TMEM214: variants seen among roughly 807,000 people sequenced by gnomAD.
The protein encoded by TMEM214 is transmembrane protein 214.
In TMEM214, 71 loss-of-function variants were observed where a neutral mutation model predicts 89.8. That is an observed-to-expected ratio of 0.79 (90% confidence interval 0.65 to 0.96). The LOEUF (loss-of-function observed/expected upper bound fraction) is 0.96, where lower values mean the gene tolerates loss of function less well. TMEM214 is among the 40% of genes least tolerant of loss of function. The probability of loss-of-function intolerance (pLI) is 0.00; values close to 1 mark genes in which losing one functional copy is unlikely to be tolerated. For missense variants in TMEM214, 754 were observed against 843.4 expected (o/e 0.89, Z 1.31); for synonymous variants, 332 against 349.5 (o/e 0.95, Z 0.56).
In TMEM214 at chr2:27,038,444, G is replaced by A. The variant is rs142984341; in HGVS notation, c.1245-40G>A. ...GGAGGACAGGAGGATGGGTGAGGCT[G>A]CGCGAGCCACCTGACTAGGGGGTTG... On this transcript the variant is annotated intron_variant, in intron 10 of 16. Coordinates refer to ENST00000238788, the MANE Select transcript of TMEM214 (RefSeq NM_017727.5). The surrounding 1 kb of genome is among the most constrained non-coding windows in gnomAD (Gnocchi z 4.4). 2.8e-4 allele frequency: 450 copies of A among 1,612,530 alleles called. 4 individuals are homozygous for A. In the African/African-American group the frequency reaches 5.5e-3, roughly 20 times the overall value.
chr2:27,038,876 T>A lies in TMEM214; in HGVS notation c.1407+61T>A. On this transcript the variant is annotated intron_variant, in intron 12 of 16. Coordinates refer to ENST00000238788, the MANE Select transcript of TMEM214 (RefSeq NM_017727.5). The surrounding 1 kb of genome is among the most constrained non-coding windows in gnomAD (Gnocchi z 4.4). ...TCTTACATCTCTGTCTCAGCACACC[T>A]GGGTTGGGCCTGTATCACATTCCTG... 6.6e-7 allele frequency: 1 copy of A among 1,522,782 alleles called. No individual in the cohort carries two copies. 94.3% of individuals were successfully genotyped at this position (1,522,782 alleles called of 1,614,324 possible).
Position 27,038,929 on chromosome 2 carries a change from C to A in TMEM214, c.1407+114C>A. On this transcript the variant is annotated intron_variant, in intron 12 of 16. Transcript: ENST00000238788. This position sits in a 1 kb window ranked among gnomAD's most constrained non-coding sequence, Gnocchi z 4.4. ...CCACCTGTCTGGAGCCCCCCGCTGC[C>A]TCCAGGATAATGTGAAGGCTTGACG... 1.4e-6 allele frequency: 2 copies of A among 1,439,954 alleles called. No homozygotes were observed. Among genetic ancestry groups the A allele is most frequent in the Non-Finnish European group, 1.9e-6 (2 of 1,028,980 alleles). 89.2% of individuals were successfully genotyped at this position (1,439,954 alleles called of 1,614,324 possible).
chr2:27,035,138 G>T lies in TMEM214; in HGVS notation c.355G>T (p.Asp119Tyr). 6.2e-7 allele frequency: 1 copy of T among 1,613,982 alleles called. No homozygotes were observed. Among genetic ancestry groups the T allele is most frequent in the Non-Finnish European group, 8.5e-7 (1 of 1,179,990 alleles). The change falls in exon 3 of 17, where the codon GAT becomes TAT. Residue 119 changes from aspartate (D) to tyrosine (Y), a missense_variant. Transcript: ENST00000238788. ...GTTGGGGGATTGTCCCTGGCAGCTGGATGTGGCAGACCTGCAGAAGGAACT... is the reference window on the plus strand; with the variant it reads ...GTTGGGGGATTGTCCCTGGCAGCTGTATGTGGCAGACCTGCAGAAGGAACT... ...RSLEEALKAL[D>Y]VADLQKELDK...
rs761168272 is a variant in TMEM214, at chr2:27,039,167, A to G, written c.1525+3A>G. On this transcript the variant is annotated splice_donor_region_variant and intron_variant, in intron 13 of 16. Transcript: ENST00000238788. The stretch of plus-strand genomic sequence containing the variant: ...CCGGTCACACAGCTCCTTCCAGGGT[A>G]AGCAGCAATGGGCAAGCGAGGAGGA... 3.1e-6 allele frequency: 5 copies of G among 1,612,968 alleles called. No homozygotes were observed. In the South Asian group the frequency reaches 5.5e-5, roughly 18 times the overall value.
At chr2:27,040,677 G>A (rs759998582) in intron 16 of TMEM214, 34 bp from the exon 17 acceptor site, 32 of 1,610,414 alleles carry the variant, frequency 2.0e-5, no homozygotes, top group Admixed American at 5.0e-5. Flanking sequence ...AGCTACTCAC[G>A]TGCATACTCA....
Position 27,041,069 on chromosome 2 carries a change from C to T in TMEM214, c.*232C>T, listed in dbSNP as rs917043619. 3.8e-6 allele frequency: 2 copies of T among 527,148 alleles called. No homozygotes were observed. The highest frequency in any genetic ancestry group is 2.5e-5 in the South Asian group (1 of 39,366). The allele number at this position is 527,148 out of a possible 1,614,324, so 32.7% of individuals were successfully genotyped here. A position where few individuals can be genotyped will look rare whatever the true frequency, so the allele number is the denominator to read the frequency against. On this transcript the variant is annotated 3_prime_UTR_variant, in exon 17 of 17. Transcript: ENST00000238788. ...TGAACACTTTTCTGGCCCTACTGCA[C>T]ATGGCCCCCAGCCTCCATCCTTGTG...
chr2:27,037,126 T>G lies in TMEM214; in HGVS notation c.958T>G (p.Phe320Val). ...KGFGMIGPKD[F>V]FPLLDFAYMP... ...CTTCGGCATGATTGGCCCCAAGGAC[T>G]TCTTCCCACTTCTGGACTTTGCCTA... The change falls in exon 8 of 17, where the codon TTC (phenylalanine) becomes GTC (valine). Residue 320 changes from phenylalanine to valine, a missense_variant. Phe to Val is a conservative substitution (Grantham distance 50). Coordinates refer to ENST00000238788, the MANE Select transcript of TMEM214 (RefSeq NM_017727.5). 1 of 1,614,044 alleles carries G rather than the reference T, an allele frequency of 6.2e-7. No individual in the cohort carries two copies. The highest frequency in any genetic ancestry group is 8.5e-7 in the Non-Finnish European group (1 of 1,180,006).
Position 27,040,707 on chromosome 2 carries a change from C to T in TMEM214, c.1944-4C>T, listed in dbSNP as rs778871558. 2.3e-5 allele frequency: 37 copies of T among 1,613,590 alleles called. No homozygotes were observed. The highest frequency in any genetic ancestry group is 3.1e-5 in the Non-Finnish European group (36 of 1,179,914). On this transcript the variant is annotated splice_region_variant and splice_polypyrimidine_tract_variant and intron_variant, in intron 16 of 16. Transcript: ENST00000238788. ...TACTCAAAAATGTTCCACTTTCCTTCCAGAGGTGAGGTGACCTGGGACTGC... is the reference window on the plus strand; with the variant it reads ...TACTCAAAAATGTTCCACTTTCCTTTCAGAGGTGAGGTGACCTGGGACTGC...
At position 27,040,074 on chromosome 2, in the gene TMEM214, C is replaced by T; in HGVS notation, c.1667C>T (p.Thr556Ile). 1 of 1,608,736 alleles carries T rather than the reference C, an allele frequency of 6.2e-7. No homozygotes were observed. The highest frequency in any genetic ancestry group is 8.5e-7 in the Non-Finnish European group (1 of 1,180,010). Residue 556 changes from threonine to isoleucine, a missense_variant, in exon 15 of 17, where the codon ACC (threonine) becomes ATC (isoleucine). Physicochemically the swap from Thr to Ile is moderately conservative, Grantham distance 89. Coordinates refer to ENST00000238788, the MANE Select transcript of TMEM214 (RefSeq NM_017727.5). ...TLPLWGSHLL[T>I]VVRPSLQLAW... ...CCGCTCTGGGGCTCCCACCTGCTCACCGTGGTGCGGCCCAGCTTGCAGCTG... is the reference window on the plus strand; with the variant it reads ...CCGCTCTGGGGCTCCCACCTGCTCATCGTGGTGCGGCCCAGCTTGCAGCTG...
chr2:27,039,407 T>G, intron 13 of TMEM214: 1 of 591,476 alleles, frequency 1.7e-6, no homozygotes, highest in African/African-American at 1.9e-5. Flanking sequence ...AGGTGTTACC[T>G]CCTTTTAACT....
At position 27,040,934 on chromosome 2, in the gene TMEM214, G is replaced by T; in HGVS notation, c.*97G>T. On this transcript the variant is annotated 3_prime_UTR_variant, in exon 17 of 17. Coordinates refer to ENST00000238788, the MANE Select transcript of TMEM214 (RefSeq NM_017727.5). ...TTCTTCATGGGAGTCTTTTTAACTT[G>T]GTGCCTGAGTTCTCTCCTAGGCAAG... 1 of 1,503,396 alleles carries T rather than the reference G, an allele frequency of 6.7e-7. No individual in the cohort carries two copies. Among genetic ancestry groups the T allele is most frequent in the Non-Finnish European group, 9.0e-7 (1 of 1,106,376 alleles). 93.1% of individuals were successfully genotyped at this position (1,503,396 alleles called of 1,614,324 possible). A position where few individuals can be genotyped will look rare whatever the true frequency, so the allele number is the denominator to read the frequency against.
In TMEM214 at chr2:27,038,093, G is replaced by C; in HGVS notation, c.1153-53G>C. On this transcript the variant is annotated intron_variant, in intron 9 of 16. Transcript: ENST00000238788. The surrounding 1 kb of genome is among the most constrained non-coding windows in gnomAD (Gnocchi z 4.4). Reference sequence around the variant, plus strand: ...AGGGGATCACCTCTTAGCACTCCCCGCCTCTGCCAGCCCCATGCCCCCAGC... The same window carrying C: ...AGGGGATCACCTCTTAGCACTCCCCCCCTCTGCCAGCCCCATGCCCCCAGC... 1 of 1,613,332 alleles carries C rather than the reference G, an allele frequency of 6.2e-7. No individual in the cohort carries two copies. The highest frequency in any genetic ancestry group is 2.2e-5 in the East Asian group (1 of 44,890).
rs567745513 is a variant in TMEM214, at chr2:27,041,371, G to T, written c.*534G>T. The T allele has an allele frequency of 6.5e-6, 1 of 154,698 alleles. No individual in the cohort carries two copies. The highest frequency in any genetic ancestry group is 1.5e-5 in the Non-Finnish European group (1 of 68,784). 9.6% of individuals were successfully genotyped at this position (154,698 alleles called of 1,614,324 possible). On this transcript the variant is annotated 3_prime_UTR_variant, in exon 17 of 17. Transcript: ENST00000238788. ...TCACCTCCACCTGAAGCCTGGGTGT[G>T]GCTGTCAGTGGACATGGGGAGCTGG...
At chr2:27,040,617 C>T in intron 16 of TMEM214, 94 bp from the exon 17 acceptor site, 1 of 1,587,172 alleles carries the variant, frequency 6.3e-7, no homozygotes, top group South Asian at 1.1e-5. Context: ...TTCCTGGCCA[C>T]CCTGGGATGA....
At chr2:27,037,946 A>T (rs1667640840) in intron 9 of TMEM214, 200 bp from the exon 10 acceptor site, 2 of 1,549,320 alleles carry the variant, frequency 1.3e-6, no homozygotes, top group Admixed American at 3.9e-5. Context: ...TTGAGCTCAA[A>T]GCTCTAGCTC....
chr2:27,035,203 A>G lies in TMEM214; in HGVS notation c.420A>G (p.Ile140Met). The change falls in exon 3 of 17, where the codon ATA becomes ATG. Residue 140 changes from isoleucine (I) to methionine (M), a missense_variant. By Grantham distance (10) the Ile-to-Met change is conservative. Coordinates refer to ENST00000238788, the MANE Select transcript of TMEM214 (RefSeq NM_017727.5). ...SQSVFSGNPS[I>M]WLKDLASYLN... ...GTGTGTTCTCTGGAAACCCATCCAT[A>G]TGGTTGAAGGACCTGGCCAGCTATC... 6 of 1,614,188 alleles carry G rather than the reference A, an allele frequency of 3.7e-6. No individual in the cohort carries two copies. Among genetic ancestry groups the G allele is most frequent in the Non-Finnish European group, 5.1e-6 (6 of 1,180,036 alleles).
At position 27,033,171 on chromosome 2, in the gene TMEM214, G is replaced by GT; in HGVS notation, c.151+6dup. 8.0e-7 allele frequency: 1 copy of GT among 1,247,762 alleles called. No homozygotes were observed. The highest frequency in any genetic ancestry group is 1.0e-6 in the Non-Finnish European group (1 of 987,560). 77.3% of individuals were successfully genotyped at this position (1,247,762 alleles called of 1,614,324 possible). ...TGTGGAAATACGACCTGACCCGTGA[G>GT]TACCCGCCCTGCCCCGCCGCCTACC... On this transcript the variant is annotated splice_donor_region_variant and intron_variant, in intron 1 of 16. Transcript: ENST00000238788.
At position 27,039,089 on chromosome 2, in the gene TMEM214, C is replaced by T. The variant is rs200807930; in HGVS notation, c.1450C>T (p.Arg484Trp). ...QVQGPRLPWT[R>W]LLLLLLVFAV... ...TCAGGGTCCTCGGCTGCCCTGGACGCGGCTCCTCCTGTTGCTGCTGGTCTT... is the reference window on the plus strand; with the variant it reads ...TCAGGGTCCTCGGCTGCCCTGGACGTGGCTCCTCCTGTTGCTGCTGGTCTT... Residue 484 changes from arginine to tryptophan, a missense_variant, in exon 13 of 17, where the codon CGG becomes TGG. Transcript: ENST00000238788. 49 of 1,613,736 alleles carry T rather than the reference C, an allele frequency of 3.0e-5. No homozygotes were observed. The highest frequency in any genetic ancestry group is 1.5e-4 in the African/African-American group (11 of 74,952).
Position 27,038,925 on chromosome 2 carries a change from C to A in TMEM214, c.1407+110C>A, listed in dbSNP as rs1479534021. The stretch of plus-strand genomic sequence containing the variant: ...TGCCCCACCTGTCTGGAGCCCCCCG[C>A]TGCCTCCAGGATAATGTGAAGGCTT... On this transcript the variant is annotated intron_variant, in intron 12 of 16. Transcript: ENST00000238788. This position sits in a 1 kb window ranked among gnomAD's most constrained non-coding sequence, Gnocchi z 4.4. 6 of 1,415,650 alleles carry A rather than the reference C, an allele frequency of 4.2e-6. No individual in the cohort carries two copies. In the Admixed American group the frequency reaches 8.5e-5, roughly 20 times the overall value. The allele number at this position is 1,415,650 out of a possible 1,614,324, so 87.7% of individuals were successfully genotyped here.
Sources: allele counts gnomAD v4.1 joint callset, GRCh38; gene constraint gnomAD v4.1.1; non-coding constraint Gnocchi (gnomAD v3.1); transcripts MANE v1.5; gene names NCBI Gene and HGNC (gene_info 2026-07-23, HGNC 2026-07-21).